The following GRAMD1C variants were observed in gnomAD, a reference collection of about 807,000 sequenced individuals.
GRAMD1C encodes the protein GRAM domain containing 1C.
GRAMD1C carries 89 observed loss-of-function variants against 97.8 expected under a neutral mutation model. The ratio of observed to expected loss-of-function variants is 0.91; its 90% CI spans 0.77 to 1.09. GRAMD1C has a LOEUF of 1.09. Among genes scored for constraint, GRAMD1C ranks in the 50% least tolerant of loss-of-function variants. GRAMD1C has a pLI of 0.00. For synonymous variants in GRAMD1C, 256 were observed against 267.0 expected (o/e 0.96, Z 0.40); for missense variants, 740 against 766.4 (o/e 0.97, Z 0.41).
At chr3:113,911,506 A>T (rs1375795402) in intron 9 of GRAMD1C, among the ~76,000 whole-genome samples, 1 of 152,006 alleles carries the variant, frequency 6.6e-6, no homozygotes, top group Non-Finnish European at 1.5e-5. Context: ...TCGGCCTTCC[A>T]GAGTGTCTGG....
At chr3:113,850,269 A>G (rs1933837673) in intron 2 of GRAMD1C, 1 of 667,110 alleles carries the variant, frequency 1.5e-6, no homozygotes, top group African/African-American at 1.8e-5. Flanking sequence ...CCACGACCAA[A>G]TCTGCCTTTA....
chr3:113,938,550 G>A (rs1290930828), intron 15 of GRAMD1C: 1 of 153,636 alleles, frequency 6.5e-6, no homozygotes, highest in African/African-American at 2.4e-5. Flanking sequence ...AGAATCACTT[G>A]GGGTGCTTGC....
intron 6 of GRAMD1C, among the ~76,000 whole-genome samples, chr3:113,886,199 G>A (rs1935471498): frequency 6.6e-6 from 1 of 152,180 alleles, no homozygotes; most frequent in African/African-American, 2.4e-5. Flanking sequence ...TTGGAGTCTG[G>A]ATGGACACAT....
At chr3:113,845,445 G>A (rs928852563) in intron 2 of GRAMD1C, among the ~76,000 whole-genome samples, 6 of 152,078 alleles carry the variant, frequency 3.9e-5, no homozygotes, top group East Asian at 1.9e-4. Context: ...TAATCCCAGC[G>A]TTTTGGGAGG....
At chr3:113,853,953 G>T (rs1934017254) in intron 2 of GRAMD1C, among the ~76,000 whole-genome samples, 1 of 152,150 alleles carries the variant, frequency 6.6e-6, no homozygotes, top group South Asian at 2.1e-4. Context: ...AGGCTCTGAG[G>T]CTGGAATGAG....
upstream of GRAMD1C, among the ~76,000 whole-genome samples, chr3:113,835,463 T>C (rs1350807895): frequency 6.6e-6 from 1 of 152,232 alleles, no homozygotes; most frequent in Non-Finnish European, 1.5e-5. Context: ...AAAAATACCA[T>C]GGAGAACCAT....
chr3:113,938,154 G>C lies in GRAMD1C; in HGVS notation c.1691+11G>C, dbSNP rs1305601840. 9.8e-6 allele frequency: 13 copies of C among 1,328,658 alleles called. No homozygotes were observed. In the Admixed American group the frequency reaches 2.7e-4, roughly 27 times the overall value. The allele number at this position is 1,328,658 out of a possible 1,614,324, so 82.3% of individuals were successfully genotyped here. ...GGTAATGAGTATTTTGTAAGTATTT[G>C]TTGTGAATGCTTATTTTGCTTGTTT... On this transcript the variant is annotated intron_variant, in intron 15 of 17. Coordinates refer to ENST00000358160, the MANE Select transcript of GRAMD1C (RefSeq NM_017577.5).
At chr3:113,918,002 C>G (rs1024714335) in intron 10 of GRAMD1C, among the ~76,000 whole-genome samples, 1 of 151,730 alleles carries the variant, frequency 6.6e-6, no homozygotes, top group African/African-American at 2.4e-5. Context: ...TGTGCCTGGC[C>G]TAGACATAAT....
intron 7 of GRAMD1C, among the ~76,000 whole-genome samples, chr3:113,902,494 T>A (rs913651559): frequency 6.6e-6 from 1 of 152,194 alleles, no homozygotes; most frequent in Non-Finnish European, 1.5e-5. Context: ...GCAAATCTTT[T>A]CATTTTTTTG....
rs1936476150 is a variant in GRAMD1C at position 113,909,223 on chromosome 3, A to T, written c.952+103A>T. ...TTGAGAATTTAGTTTTATTAGACAC[A>T]GTCTCACCCTATAAAGAAACAAAAA... On this transcript the variant is annotated intron_variant, in intron 9 of 17. Coordinates refer to ENST00000358160, the MANE Select transcript of GRAMD1C (RefSeq NM_017577.5). 3 of 508,232 alleles carry T rather than the reference A, an allele frequency of 5.9e-6. No homozygotes were observed. In the African/African-American group the frequency reaches 6.0e-5, roughly 10 times the overall value. 31.5% of individuals were successfully genotyped at this position (508,232 alleles called of 1,614,324 possible). A position where few individuals can be genotyped will look rare whatever the true frequency, so the allele number is the denominator to read the frequency against.
At chr3:113,854,399 A>G (rs573450119) in intron 2 of GRAMD1C, among the ~76,000 whole-genome samples, 2 of 152,278 alleles carry the variant, frequency 1.3e-5, no homozygotes, top group African/African-American at 4.8e-5. Context: ...AAAGTGGCAA[A>G]AAAGCCTGAG....
At chr3:113,903,054 C>T (rs529692485) in intron 7 of GRAMD1C, among the ~76,000 whole-genome samples, 61 of 151,698 alleles carry the variant, frequency 4.0e-4, no homozygotes, top group African/African-American at 1.4e-3. Context: ...CAACCTCTGC[C>T]TCCGGGTTCA....
chr3:113,894,790 G>C lies in GRAMD1C; in HGVS notation c.541-6241G>C, dbSNP rs914054007. Among the ~76,000 whole-genome samples, 88 of 152,182 alleles carry C rather than the reference G, an allele frequency of 5.8e-4. 6 individuals carry two copies. The highest frequency in any genetic ancestry group is 1.5e-5 in the Non-Finnish European group (1 of 68,034). On this transcript the variant is annotated intron_variant, in intron 6 of 17. Coordinates refer to ENST00000358160, the MANE Select transcript of GRAMD1C (RefSeq NM_017577.5). ...TTCATCTTATTCCCAAATGGCAGAA[G>C]AAGATAGCATATGTTAGATTCAGGG...
chr3:113,908,910 T>G, intron 8 of GRAMD1C, 48 bp from the exon 9 acceptor site: 1 of 1,164,934 alleles, frequency 8.6e-7, no homozygotes. Context: ...CTGCAAAATC[T>G]AAGCTAAACC....
At chr3:113,881,076 G>C (rs1176830086) in intron 5 of GRAMD1C, among the ~76,000 whole-genome samples, 2 of 152,142 alleles carry the variant, frequency 1.3e-5, no homozygotes, top group African/African-American at 2.4e-5. Flanking sequence ...CAGCGACTTA[G>C]AGGTATCATT....
At chr3:113,913,794 G>GC (rs1936700448) in intron 9 of GRAMD1C, among the ~76,000 whole-genome samples, 1 of 152,072 alleles carries the variant, frequency 6.6e-6, no homozygotes, top group African/African-American at 2.4e-5. Flanking sequence ...TAATGAATCT[G>GC]TGTTTTTACT....
intron 10 of GRAMD1C, among the ~76,000 whole-genome samples, chr3:113,917,128 G>C (rs574273287): frequency 1.3e-5 from 2 of 152,236 alleles, no homozygotes; most frequent in South Asian, 4.2e-4. Context: ...TCCAGTGATA[G>C]ATTGAGACTC....
In GRAMD1C at chr3:113,946,820, C is replaced by T. The variant is rs564321289; in HGVS notation, c.*1342C>T. The T allele has an allele frequency of 6.6e-6, 1 of 152,130 alleles. No homozygotes were observed. The highest frequency in any genetic ancestry group is 1.5e-5 in the Non-Finnish European group (1 of 68,024). 9.4% of individuals were successfully genotyped at this position (152,130 alleles called of 1,614,324 possible). A position where few individuals can be genotyped will look rare whatever the true frequency, so the allele number is the denominator to read the frequency against. On this transcript the variant is annotated 3_prime_UTR_variant, in exon 18 of 18. Transcript: ENST00000358160. Reference sequence around the variant, plus strand: ...CTGTAGAGAATGAAAGTATTGACTCCGTTAGAGGGAAAATGGGTTTCTCTG... The same window carrying T: ...CTGTAGAGAATGAAAGTATTGACTCTGTTAGAGGGAAAATGGGTTTCTCTG...
At chr3:113,880,258 C>G (rs1196651618) in intron 5 of GRAMD1C, among the ~76,000 whole-genome samples, 1 of 152,068 alleles carries the variant, frequency 6.6e-6, no homozygotes, top group Non-Finnish European at 1.5e-5. Context: ...TCCCCAATTC[C>G]ATTTTCTTTC....
Sources: allele counts gnomAD v4.1 joint callset (sites outside exome capture counted in the v4.1 genomes callset), GRCh38; gene constraint gnomAD v4.1.1; transcripts MANE v1.5; gene names NCBI Gene and HGNC (gene_info 2026-07-23, HGNC 2026-07-21).